The following HTR4 variants were observed in gnomAD, a reference collection of about 807,000 sequenced individuals.
The protein encoded by HTR4 is 5-hydroxytryptamine (serotonin) receptor 4, G protein-coupled.
HTR4 carries 16 observed loss-of-function variants against 36.8 expected under a neutral mutation model. The observed-to-expected ratio is 0.43, with a 90% CI of 0.29 to 0.66. HTR4 has a LOEUF of 0.66. Ranked by LOEUF, HTR4 falls within the 30% of genes least tolerant of loss-of-function variation. The probability of loss-of-function intolerance (pLI) is 0.13; values close to 1 mark genes in which losing one functional copy is unlikely to be tolerated. For synonymous variants in HTR4, 189 were observed against 185.1 expected (o/e 1.02, Z -0.17); for missense variants, 438 against 490.9 (o/e 0.89, Z 1.02).
chr5:148,484,478 G>T, intron 6 of HTR4: 2 of 1,166,100 alleles, frequency 1.7e-6, no homozygotes, highest in Non-Finnish European at 2.4e-6. Flanking sequence ...TAGCTTTAGT[G>T]TTTCTTGAAA....
intron 6 of HTR4, among the ~76,000 whole-genome samples, chr5:148,496,927 G>A (rs967673269): frequency 9.2e-5 from 14 of 152,080 alleles, no homozygotes; most frequent in African/African-American, 3.1e-4. Flanking sequence ...CATAGTTCCC[G>A]TGAATCAAAC....
intron 1 of HTR4, among the ~76,000 whole-genome samples, chr5:148,648,522 C>T (rs567422210): frequency 1.3e-5 from 2 of 152,292 alleles, no homozygotes; most frequent in South Asian, 2.1e-4. Context: ...GGCAGATTGT[C>T]TCTATTACAA....
At chr5:148,552,579 ATTCTTCAGTGACAGAC>A (rs916697783) in intron 2 of HTR4, among the ~76,000 whole-genome samples, 1 of 152,310 alleles carries the variant, frequency 6.6e-6, no homozygotes, top group Non-Finnish European at 1.5e-5. Context: ...TCCTGGAATG[ATTCTTCAGTGACAGAC>A]TTCTTGTCAT....
intron 5 of HTR4, among the ~76,000 whole-genome samples, chr5:148,512,552 C>A (rs1757542013): frequency 6.6e-6 from 1 of 152,068 alleles, no homozygotes. Context: ...ACTCTAGTAT[C>A]TTGTGATAGA....
At chr5:148,461,457 G>T (rs1016846712) in intron 5 of HTR4, among the ~76,000 whole-genome samples, 11 of 151,936 alleles carry the variant, frequency 7.2e-5, no homozygotes, top group African/African-American at 2.7e-4. Flanking sequence ...AAAAGAAAAT[G>T]AGAGCAGTTA....
At position 148,600,976 on chromosome 5, in the gene HTR4, C is replaced by CAAAAAAAAAAAAAAAAAAAAAA. The variant is rs58003522; in HGVS notation, c.26+35991_26+36012dup. ...ATGAGGAACTCCCACAACTCAATAG[C>CAAAAAAAAAAAAAAAAAAAAAA]AAAAAAAAAAAAAAAAAAAAAAAAA... On this transcript the variant is annotated intron_variant, in intron 2 of 6. Coordinates refer to ENST00000377888, the MANE Select transcript of HTR4 (RefSeq NM_000870.7). Among the ~76,000 whole-genome samples the CAAAAAAAAAAAAAAAAAAAAAA allele has an allele frequency of 3.0e-4, 4 of 13,550 alleles. 1 individual carries two copies. The highest frequency in any genetic ancestry group is 2.6e-3 in the East Asian group (2 of 772). The allele number at this position is 13,550 out of a possible 152,430, so 8.9% of individuals were successfully genotyped here. A position where few individuals can be genotyped will look rare whatever the true frequency, so the allele number is the denominator to read the frequency against.
chr5:148,482,177 G>T lies in HTR4; in HGVS notation c.*1026C>A. 1.0e-6 allele frequency: 1 copy of T among 985,654 alleles called. No individual in the cohort carries two copies. Among genetic ancestry groups the T allele is most frequent in the Non-Finnish European group, 1.2e-6 (1 of 830,116 alleles). The allele number at this position is 985,654 out of a possible 1,614,324, so 61.1% of individuals were successfully genotyped here. On this transcript the variant is annotated 3_prime_UTR_variant, in exon 7 of 7. Coordinates refer to ENST00000377888, the MANE Select transcript of HTR4 (RefSeq NM_000870.7). ...GGCATCCCCAGTGCTGCTGGATCCT[G>T]CCCTCCTGCACCTTGGGGGAGCTGC...
Position 148,483,126 on chromosome 5 carries a change from G to A in HTR4, c.*77C>T. On this transcript the variant is annotated 3_prime_UTR_variant, in exon 7 of 7. Coordinates refer to ENST00000377888, the MANE Select transcript of HTR4 (RefSeq NM_000870.7). ...TCAGGTGAAGAGAATACCGGGTGCA[G>A]TCGCGCACAAGCAGCAGCTTAGGAC... The A allele has an allele frequency of 6.2e-7, 1 of 1,603,414 alleles. No individual in the cohort carries two copies. The highest frequency in any genetic ancestry group is 8.5e-7 in the Non-Finnish European group (1 of 1,173,766).
At chr5:148,618,413 A>G (rs1168874366) in intron 2 of HTR4, among the ~76,000 whole-genome samples, 1 of 152,176 alleles carries the variant, frequency 6.6e-6, no homozygotes, top group Non-Finnish European at 1.5e-5. Flanking sequence ...TATGGACCGT[A>G]TCAACCAGCT....
chr5:148,595,715 T>C (rs1008896871), intron 2 of HTR4, among the ~76,000 whole-genome samples: 12 of 152,206 alleles, frequency 7.9e-5, no homozygotes, highest in African/African-American at 2.4e-4. Flanking sequence ...ATTCCAAATA[T>C]AATGAATAAT....
At chr5:148,473,074 T>G (rs930034941), downstream of HTR4, among the ~76,000 whole-genome samples, 4 of 151,752 alleles carry the variant, frequency 2.6e-5, no homozygotes, top group South Asian at 4.2e-4. Flanking sequence ...CCGAGGCGGG[T>G]GGATCACAAG....
intron 2 of HTR4, among the ~76,000 whole-genome samples, chr5:148,585,361 T>C (rs1761306728): frequency 6.6e-6 from 1 of 152,182 alleles, no homozygotes; most frequent in Non-Finnish European, 1.5e-5. Context: ...AGGCACAAAT[T>C]ACCAAAATAA....
At chr5:148,639,204 G>T (rs796875806) in intron 1 of HTR4, among the ~76,000 whole-genome samples, 3 of 152,234 alleles carry the variant, frequency 2.0e-5, no homozygotes, top group African/African-American at 7.2e-5. Flanking sequence ...CTGCCAGAAT[G>T]ATATTTTTTA....
intron 2 of HTR4, among the ~76,000 whole-genome samples, chr5:148,578,335 G>A (rs899909288): frequency 1.6e-4 from 25 of 151,992 alleles, no homozygotes; most frequent in African/African-American, 5.8e-4. Context: ...AAATATTTCA[G>A]TAAACTTAAA....
At chr5:148,494,525 T>C (rs1341486517) in intron 6 of HTR4, among the ~76,000 whole-genome samples, 1 of 152,248 alleles carries the variant, frequency 6.6e-6, no homozygotes, top group Admixed American at 6.5e-5. Context: ...CCGCTATTGA[T>C]TTCATATAGA....
At chr5:148,481,445 C>T (rs886658404), downstream of HTR4, 2 of 890,228 alleles carry the variant, frequency 2.2e-6, no homozygotes, top group South Asian at 3.1e-5. Context: ...CTCACGAATT[C>T]TGAATAGCAT....
chr5:148,458,038 T>G (rs1487969411), intron 5 of HTR4, among the ~76,000 whole-genome samples: 69 of 132,036 alleles, frequency 5.2e-4, no homozygotes, highest in African/African-American at 8.6e-4. Flanking sequence ...ATATTTAATA[T>G]ATATTAAAAT....
intron 4 of HTR4, among the ~76,000 whole-genome samples, chr5:148,537,115 A>T (rs562821221): frequency 2.0e-5 from 3 of 152,172 alleles, no homozygotes; most frequent in Non-Finnish European, 4.4e-5. Flanking sequence ...CATGGAAATT[A>T]AAAAATATGC....
chr5:148,500,519 A>G (rs1018134674), intron 6 of HTR4, among the ~76,000 whole-genome samples: 1 of 152,110 alleles, frequency 6.6e-6, no homozygotes, highest in East Asian at 1.9e-4. Flanking sequence ...TCAAGTAAGG[A>G]TACCTTTTCA....
Sources: gnomAD v4.1 joint callset for allele counts (sites outside exome capture counted in the v4.1 genomes callset) on GRCh38, gnomAD v4.1.1 for gene constraint, MANE v1.5 for transcripts, NCBI Gene and HGNC (gene_info 2026-07-23, HGNC 2026-07-21) for gene names.